The following CDH13 variants were observed in gnomAD, a reference collection of about 807,000 sequenced individuals.
The protein encoded by CDH13 is cadherin 13.
A neutral mutation model predicts 63.8 loss-of-function variants in CDH13; 24 were observed. The observed-to-expected ratio is 0.38, with a 90% CI of 0.27 to 0.53. CDH13 has a LOEUF of 0.53. Ranked by LOEUF, CDH13 falls within the 20% of genes least tolerant of loss-of-function variation. CDH13 has a pLI of 0.85. For missense variants in CDH13, 1,049 were observed against 903.1 expected (o/e 1.16, Z -2.07); for synonymous variants, 503 against 355.3 (o/e 1.42, Z -4.67).
chr16:83,779,027 G>C (rs1018496185), intron 11 of CDH13, among the ~76,000 whole-genome samples: 5 of 152,198 alleles, frequency 3.3e-5, no homozygotes, highest in Non-Finnish European at 5.9e-5. Context: ...TCTTTGAATA[G>C]ATTTCAGTGT....
At chr16:83,217,598 C>G (rs540107140) in intron 5 of CDH13, 101 bp downstream of exon 5, 1 of 1,250,012 alleles carries the variant, frequency 8.0e-7, no homozygotes, top group African/African-American at 1.5e-5. Context: ...TCATCAAACC[C>G]GGGACTGCAT....
chr16:83,550,033 A>G (rs550356404), intron 7 of CDH13, among the ~76,000 whole-genome samples: 1 of 152,326 alleles, frequency 6.6e-6, no homozygotes, highest in South Asian at 2.1e-4. Flanking sequence ...ACTAATTAGC[A>G]GCAGCTGCTC....
intron 8 of CDH13, among the ~76,000 whole-genome samples, chr16:83,607,849 A>G (rs1348381336): frequency 6.6e-6 from 1 of 152,210 alleles, no homozygotes; most frequent in Non-Finnish European, 1.5e-5. Flanking sequence ...ACAGACTTTG[A>G]AATATACATG....
rs1279589583 is a variant in CDH13, at chr16:83,673,116, C to G, written c.1284+2144C>G. On this transcript the variant is annotated intron_variant, in intron 9 of 13. Coordinates refer to ENST00000567109, the MANE Select transcript of CDH13 (RefSeq NM_001257.5). Reference sequence around the variant, plus strand: ...TACATTCATATATAGGAGTACATTACAAACCTAGTCTACATACACATAAGC... The same window carrying G: ...TACATTCATATATAGGAGTACATTAGAAACCTAGTCTACATACACATAAGC... 3.9e-5 allele frequency among the ~76,000 whole-genome samples: 6 copies of G among 152,224 alleles called. No individual in the cohort carries two copies. The East Asian group carries it at 1.2e-3, about 29-fold the overall frequency.
chr16:83,024,020 C>T (rs1259275201), intron 2 of CDH13, among the ~76,000 whole-genome samples: 1 of 152,092 alleles, frequency 6.6e-6, no homozygotes, highest in Non-Finnish European at 1.5e-5. Flanking sequence ...ATCAAGACTT[C>T]ATTATTTATA....
intron 7 of CDH13, among the ~76,000 whole-genome samples, chr16:83,497,099 G>A (rs1262232068): frequency 1.3e-5 from 2 of 152,210 alleles, no homozygotes; most frequent in Non-Finnish European, 1.5e-5. Flanking sequence ...GGAAGTCAGT[G>A]TGGCGTTTCC....
At chr16:83,552,573 T>A (rs918509177) in intron 7 of CDH13, among the ~76,000 whole-genome samples, 1 of 152,218 alleles carries the variant, frequency 6.6e-6, no homozygotes, top group African/African-American at 2.4e-5. Flanking sequence ...GCAAATTACT[T>A]TTTTTGCAGT....
At chr16:82,681,557 C>A (rs986873053) in intron 1 of CDH13, among the ~76,000 whole-genome samples, 2 of 152,172 alleles carry the variant, frequency 1.3e-5, no homozygotes, top group Non-Finnish European at 2.9e-5. Context: ...TGTTTGTTTG[C>A]CTCTTACTCA....
At chr16:83,584,899 A>G (rs1411074232) in intron 7 of CDH13, among the ~76,000 whole-genome samples, 1 of 144,090 alleles carries the variant, frequency 6.9e-6, no homozygotes, top group Non-Finnish European at 1.5e-5. Flanking sequence ...AAACAGAAGC[A>G]AGAGATAGGG....
intron 6 of CDH13, among the ~76,000 whole-genome samples, chr16:83,426,903 CTTTCTTTT>C (rs2071922061): frequency 2.7e-5 from 2 of 73,964 alleles, no homozygotes; most frequent in Non-Finnish European, 5.6e-5. Context: ...AAATATGTTT[CTTTCTTTT>C]TTTTTTTTTT....
At chr16:83,773,915 T>G (rs1914930157) in intron 11 of CDH13, among the ~76,000 whole-genome samples, 1 of 152,090 alleles carries the variant, frequency 6.6e-6, no homozygotes, top group African/African-American at 2.4e-5. Context: ...AGCTTCCTCC[T>G]TTCTCTCCAT....
At chr16:82,736,940 G>A (rs535112124) in intron 1 of CDH13, among the ~76,000 whole-genome samples, 3 of 152,218 alleles carry the variant, frequency 2.0e-5, no homozygotes, top group South Asian at 2.1e-4. Flanking sequence ...CAGCATAATC[G>A]TGTTTCTTCC....
intron 4 of CDH13, among the ~76,000 whole-genome samples, chr16:83,200,628 A>C (rs2038998475): frequency 6.6e-6 from 1 of 152,214 alleles, no homozygotes; most frequent in South Asian, 2.1e-4. Flanking sequence ...GTGTTTACCC[A>C]GGGTCGTTTT....
chr16:82,705,355 T>A (rs918113165), intron 1 of CDH13: 1 of 350,506 alleles, frequency 2.9e-6, no homozygotes, highest in Non-Finnish European at 5.6e-6. Flanking sequence ...GATATAACAA[T>A]TAGAATTCAA....
chr16:82,728,660 C>A (rs1269272910), intron 1 of CDH13, among the ~76,000 whole-genome samples: 1 of 152,084 alleles, frequency 6.6e-6, no homozygotes, highest in Non-Finnish European at 1.5e-5. Flanking sequence ...TGGTTTCTGG[C>A]TGATCAGGGT....
intron 6 of CDH13, among the ~76,000 whole-genome samples, chr16:83,413,539 CG>C (rs1328154469): frequency 6.6e-6 from 1 of 152,050 alleles, no homozygotes; most frequent in Non-Finnish European, 1.5e-5. Context: ...AACTAGAGAT[CG>C]GGGTGTAGCA....
intron 2 of CDH13, among the ~76,000 whole-genome samples, chr16:82,968,712 G>A (rs1186387194): frequency 6.6e-6 from 1 of 152,140 alleles, no homozygotes; most frequent in Non-Finnish European, 1.5e-5. Flanking sequence ...AGAAGCCCTG[G>A]TATAGGCTTT....
chr16:83,568,086 C>A lies in CDH13; in HGVS notation c.961-34368C>A, dbSNP rs114141656. Among the ~76,000 whole-genome samples, 1,141 of 152,196 alleles carry A rather than the reference C, an allele frequency of 7.5e-3. 12 individuals are homozygous for A. The highest frequency in any genetic ancestry group is 0.026 in the African/African-American group (1,092 of 41,508). ...CAACTGTCCGGTTAGCAGAGCTTCC[C>A]ATTTAAATCAAATTCTCTTCTCCTC... is the stretch of plus-strand genomic sequence containing the variant. On this transcript the variant is annotated intron_variant, in intron 7 of 13. Transcript: ENST00000567109.
Position 82,790,724 on chromosome 16 carries a change from A to C in CDH13, c.46-67638A>C, listed in dbSNP as rs563533463. Among the ~76,000 whole-genome samples the C allele has an allele frequency of 1.2e-4, 19 of 152,308 alleles. No individual in the cohort carries two copies. The South Asian group carries it at 3.9e-3, about 32-fold the overall frequency. The stretch of plus-strand genomic sequence containing the variant: ...TACAATCATAGCAGTGGCAGAAGGC[A>C]GCCATGATTGTTTACCAGGCAGCAG... On this transcript the variant is annotated intron_variant, in intron 1 of 13. Coordinates refer to ENST00000567109, the MANE Select transcript of CDH13 (RefSeq NM_001257.5).
Sources: gnomAD v4.1 joint callset for allele counts (sites outside exome capture counted in the v4.1 genomes callset) on GRCh38, gnomAD v4.1.1 for gene constraint, MANE v1.5 for transcripts, NCBI Gene and HGNC (gene_info 2026-07-23, HGNC 2026-07-21) for gene names.